The following ZNF71 variants were observed in gnomAD, a reference collection of about 807,000 sequenced individuals.
ZNF71 encodes the protein endothelial zinc finger protein induced by tumor necrosis factor alpha.
In ZNF71, 3 loss-of-function variants were observed where a neutral mutation model predicts 6.7. The ratio of observed to expected loss-of-function variants is 0.45; its 90% CI spans 0.20 to 1.16. The LOEUF (loss-of-function observed/expected upper bound fraction) is 1.16. Among genes scored for constraint, ZNF71 ranks in the 50% most tolerant of loss-of-function variants. ZNF71 has a pLI of 0.25. For missense variants in ZNF71, 688 were observed against 728.6 expected (o/e 0.94, Z 0.64); for synonymous variants, 343 against 311.1 (o/e 1.10, Z -1.08).
chr19:56,617,195 C>T (rs946015524), intron 3 of ZNF71, among the ~76,000 whole-genome samples: 1 of 150,178 alleles, frequency 6.7e-6, no homozygotes, highest in African/African-American at 2.5e-5. Context: ...ACTGCAACCT[C>T]CGCCTCCCTG....
chr19:56,621,869 C>T lies in ZNF71; in HGVS notation c.762C>T (p.Ala254=). 2 of 1,612,106 alleles carry T rather than the reference C, an allele frequency of 1.2e-6. No homozygotes were observed. Among genetic ancestry groups the T allele is most frequent in the Non-Finnish European group, 1.7e-6 (2 of 1,178,218 alleles). ...ATGCCTGCGGGGACTGCGGCAAGGC[C>T]TTCAGCCAGCGCATGAACCTCACTG... is the stretch of plus-strand genomic sequence containing the variant. ...KPYACGDCGK[A]FSQRMNLTVH... The change falls in exon 4 of 4, where the codon GCC becomes GCT. Residue 254 remains alanine (A), a synonymous_variant. Coordinates refer to ENST00000599599, the MANE Select transcript of ZNF71 (RefSeq NM_001370215.1).
chr19:56,600,353 G>A lies in ZNF71; in HGVS notation c.-52-1154G>A, dbSNP rs1187109025. ...GCTGGGACTACAGGCGCCCGCCACC[G>A]CGCCCGGCTAATTTTTTGTATTTTT... On this transcript the variant is annotated intron_variant, in intron 1 of 3. Coordinates refer to ENST00000599599, the MANE Select transcript of ZNF71 (RefSeq NM_001370215.1). Among the ~76,000 whole-genome samples, 79 of 54,730 alleles carry A rather than the reference G, an allele frequency of 1.4e-3. 26 individuals carry two copies. The highest frequency in any genetic ancestry group is 5.0e-3 in the African/African-American group (77 of 15,392). The allele number at this position is 54,730 out of a possible 152,430, so 35.9% of individuals were successfully genotyped here. A position where few individuals can be genotyped will look rare whatever the true frequency, so the allele number is the denominator to read the frequency against.
chr19:56,621,148 C>T lies in ZNF71; in HGVS notation c.161-120C>T, dbSNP rs73937520. ...GATCCAAGGTTCTTCTTTGCTAACT[C>T]GCTCTGTGCCTTGGGCCTCATTGGG... On this transcript the variant is annotated intron_variant, in intron 3 of 3. Transcript: ENST00000599599. The T allele has an allele frequency of 2.7e-3, 2,678 of 986,768 alleles. 51 individuals carry two copies. In the African/African-American group the frequency reaches 0.036, roughly 13 times the overall value. 61.1% of individuals were successfully genotyped at this position (986,768 alleles called of 1,614,324 possible).
rs372176440 is a variant in ZNF71 at position 56,621,556 on chromosome 19, C to T, written c.449C>T (p.Pro150Leu). 1.2e-6 allele frequency: 2 copies of T among 1,614,212 alleles called. No individual in the cohort carries two copies. Among genetic ancestry groups the T allele is most frequent in the South Asian group, 1.1e-5 (1 of 91,078 alleles). The change falls in exon 4 of 4, where the codon CCA (proline) becomes CTA (leucine). Residue 150 changes from proline (P) to leucine (L), a missense_variant. Pro to Leu is a moderately conservative substitution (Grantham distance 98). Coordinates refer to ENST00000599599, the MANE Select transcript of ZNF71 (RefSeq NM_001370215.1). ...AFANQGCVLV[P>L]PRLDDPTEKG... The stretch of plus-strand genomic sequence containing the variant: ...GCCAACCAAGGCTGTGTCCTGGTCC[C>T]ACCACGGCTGGACGACCCCACAGAA...
At chr19:56,595,898 A>T (rs1225434577) in intron 1 of ZNF71, among the ~76,000 whole-genome samples, 8 of 130,288 alleles carry the variant, frequency 6.1e-5, no homozygotes, top group Admixed American at 3.3e-4. Context: ...TATGAGACAG[A>T]GAGAGAAACT....
chr19:56,618,944 A>G lies in ZNF71; in HGVS notation c.161-2324A>G, dbSNP rs990280757. ...GGGGTGAGAATGGGGTGGGGAGGAC[A>G]GAGAGGAGCTGCTGTCGCATTTCAG... On this transcript the variant is annotated intron_variant, in intron 3 of 3. Coordinates refer to ENST00000599599, the MANE Select transcript of ZNF71 (RefSeq NM_001370215.1). This position sits in a 1 kb window ranked among gnomAD's most constrained non-coding sequence, Gnocchi z 4.6. 9.9e-5 allele frequency among the ~76,000 whole-genome samples: 15 copies of G among 152,068 alleles called. No homozygotes were observed. The highest frequency in any genetic ancestry group is 2.6e-4 in the Admixed American group (4 of 15,268).
At chr19:56,595,757 TG>T (rs111446007) in intron 1 of ZNF71, among the ~76,000 whole-genome samples, 2 of 152,054 alleles carry the variant, frequency 1.3e-5, no homozygotes, top group African/African-American at 4.8e-5. Flanking sequence ...TGTGTCTGTG[TG>T]TGTGTCTGTG....
At chr19:56,614,995 T>C (rs920370876) in intron 3 of ZNF71, among the ~76,000 whole-genome samples, 2 of 152,220 alleles carry the variant, frequency 1.3e-5, no homozygotes, top group African/African-American at 4.8e-5. Context: ...GTACCCTTTT[T>C]TTTTTGGTCT....
chr19:56,621,413 C>CAGCT lies in ZNF71; in HGVS notation c.307_310dup (p.Trp104Ter). 6.2e-7 allele frequency: 1 copy of CAGCT among 1,612,838 alleles called. No homozygotes were observed. The highest frequency in any genetic ancestry group is 8.5e-7 in the Non-Finnish European group (1 of 1,179,336). ...GCTCAGAAGGAGTGTGGGAACCAGG[C>CAGCT]AGCTGGCCAGAGAGGCCGCGGGGAG... On this transcript the variant is annotated frameshift_variant, in exon 4 of 4. Coordinates refer to ENST00000599599, the MANE Select transcript of ZNF71 (RefSeq NM_001370215.1). LOFTEE classifies it low-confidence loss of function (END_TRUNC).
intron 2 of ZNF71, among the ~76,000 whole-genome samples, chr19:56,607,215 A>G (rs2044716705): frequency 6.6e-6 from 1 of 152,116 alleles, no homozygotes; most frequent in Non-Finnish European, 1.5e-5. Flanking sequence ...AGGTACCTGC[A>G]TTTTCCTTGC....
chr19:56,619,880 C>T lies in ZNF71; in HGVS notation c.161-1388C>T, dbSNP rs1002909427. Among the ~76,000 whole-genome samples, 3 of 152,116 alleles carry T rather than the reference C, an allele frequency of 2.0e-5. No homozygotes were observed. The East Asian group carries it at 5.8e-4, about 29-fold the overall frequency. The stretch of plus-strand genomic sequence containing the variant: ...ACTTTTAAATGCTGGGAATGAGTCC[C>T]CTGATGCAGAGTCTAGACTCCACCT... On this transcript the variant is annotated intron_variant, in intron 3 of 3. Coordinates refer to ENST00000599599, the MANE Select transcript of ZNF71 (RefSeq NM_001370215.1).
chr19:56,620,675 G>T (rs2044837093), intron 3 of ZNF71, among the ~76,000 whole-genome samples: 1 of 152,004 alleles, frequency 6.6e-6, no homozygotes, highest in Non-Finnish European at 1.5e-5. Flanking sequence ...GGGACAATAG[G>T]CATGTGCCAC....
Position 56,600,185 on chromosome 19 carries a change from A to AT in ZNF71, c.-52-1299dup, listed in dbSNP as rs1169322389. Reference sequence around the variant, plus strand: ...ATCTTGGCTCACTGCAACCCTCTGTATTTTTTTTTTTTTTTTTTTTTTTGA... The same window carrying AT: ...ATCTTGGCTCACTGCAACCCTCTGTATTTTTTTTTTTTTTTTTTTTTTTTGA... On this transcript the variant is annotated intron_variant, in intron 1 of 3. Transcript: ENST00000599599. Among the ~76,000 whole-genome samples, 73 of 24,914 alleles carry AT rather than the reference A, an allele frequency of 2.9e-3. 2 individuals are homozygous for AT. Among genetic ancestry groups the AT allele is most frequent in the Non-Finnish European group, 3.8e-3 (67 of 17,828 alleles). The allele number at this position is 24,914 out of a possible 152,430, so 16.3% of individuals were successfully genotyped here.
intron 3 of ZNF71, among the ~76,000 whole-genome samples, chr19:56,615,996 T>G (rs2044788395): frequency 6.6e-6 from 1 of 152,220 alleles, no homozygotes; most frequent in Non-Finnish European, 1.5e-5. Flanking sequence ...ATCATTCCTT[T>G]GCATGTGAAT....
chr19:56,616,848 A>T (rs992831836), intron 3 of ZNF71, among the ~76,000 whole-genome samples: 2 of 152,176 alleles, frequency 1.3e-5, no homozygotes, highest in African/African-American at 4.8e-5. Context: ...TAGCTGGGGC[A>T]GTTGTAGGAC....
chr19:56,620,487 A>G (rs1568509226), intron 3 of ZNF71, among the ~76,000 whole-genome samples: 1 of 151,934 alleles, frequency 6.6e-6, no homozygotes, highest in African/African-American at 2.4e-5. Context: ...AATGCTAGCT[A>G]TTTATTATTT....
At position 56,622,098 on chromosome 19, in the gene ZNF71, G is replaced by A. The variant is rs548728280; in HGVS notation, c.991G>A (p.Val331Met). 8.1e-6 allele frequency: 13 copies of A among 1,612,692 alleles called. No homozygotes were observed. Among genetic ancestry groups the A allele is most frequent in the South Asian group, 1.1e-5 (1 of 90,960 alleles). ...CACGCACACCGGGGAGAAGCCGTACGTGTGCCCCGAGTGCGGGCGAGCCTT... is the reference window on the plus strand; with the variant it reads ...CACGCACACCGGGGAGAAGCCGTACATGTGCCCCGAGTGCGGGCGAGCCTT... ...QRTHTGEKPYVCPECGRAFSQ... is the reference protein window; with the variant it reads ...QRTHTGEKPYMCPECGRAFSQ... Residue 331 changes from valine (V) to methionine (M), a missense_variant, in exon 4 of 4, where the codon GTG becomes ATG. Transcript: ENST00000599599.
rs2044820207 is a variant in ZNF71, at chr19:56,618,953, C to G, written c.161-2315C>G. 6.6e-6 allele frequency among the ~76,000 whole-genome samples: 1 copy of G among 152,050 alleles called. No homozygotes were observed. On this transcript the variant is annotated intron_variant, in intron 3 of 3. Transcript: ENST00000599599. This position sits in a 1 kb window ranked among gnomAD's most constrained non-coding sequence, Gnocchi z 4.6. ...ATGGGGTGGGGAGGACAGAGAGGAG[C>G]TGCTGTCGCATTTCAGGCAAGGACC... is the stretch of plus-strand genomic sequence containing the variant.
Position 56,622,281 on chromosome 19 carries a change from G to T in ZNF71, c.1174G>T (p.Gly392Cys). 2 of 1,609,058 alleles carry T rather than the reference G, an allele frequency of 1.2e-6. No individual in the cohort carries two copies. Among genetic ancestry groups the T allele is most frequent in the South Asian group, 2.2e-5 (2 of 90,998 alleles). ...GEKPYVCGEC[G>C]KAFSQSSYLI... ...GAAGCCCTACGTGTGCGGCGAGTGC[G>T]GCAAGGCCTTCAGCCAGAGCTCCTA... Residue 392 changes from glycine to cysteine, a missense_variant, in exon 4 of 4, where the codon GGC (glycine) becomes TGC (cysteine). Coordinates refer to ENST00000599599, the MANE Select transcript of ZNF71 (RefSeq NM_001370215.1).
Sources: gnomAD v4.1 joint callset for allele counts (sites outside exome capture counted in the v4.1 genomes callset) on GRCh38, gnomAD v4.1.1 for gene constraint, Gnocchi (gnomAD v3.1) non-coding constraint, MANE v1.5 for transcripts, NCBI Gene and HGNC (gene_info 2026-07-23, HGNC 2026-07-21) for gene names.